Variants in M1AP observed in about 807,000 individuals in gnomAD.
M1AP encodes the protein meiosis 1 associated protein.
In M1AP, 39 loss-of-function variants were observed where a neutral mutation model predicts 51.2. The observed-to-expected ratio is 0.76, with a 90% CI of 0.59 to 1.00. M1AP has a LOEUF of 1.00. Among genes scored for constraint, M1AP ranks in the 50% least tolerant of loss-of-function variants. The pLI is 0.00. For missense variants in M1AP, 545 were observed against 641.2 expected, an observed-to-expected ratio of 0.85 and a Z score of 1.62; for synonymous variants, 251 against 249.2, an observed-to-expected ratio of 1.01 and a Z score of -0.07.
chr2:74,591,797 T>C (rs1479448909), intron 4 of M1AP, among the ~76,000 whole-genome samples: 1 of 152,090 alleles, frequency 6.6e-6, no homozygotes, highest in Non-Finnish European at 1.5e-5. Flanking sequence ...TACTCTTTTA[T>C]TTTTTTGAGA....
intron 4 of M1AP, among the ~76,000 whole-genome samples, chr2:74,595,254 A>G (rs11678348): frequency 0.19 from 28,300 of 152,092 alleles, 4,060 homozygotes; most frequent in East Asian, 0.82. Context: ...AGCTCAAGCA[A>G]TCCTCCCCAC....
Position 74,562,459 on chromosome 2 carries a change from T to G in M1AP, c.1075-36A>C. 2.5e-6 allele frequency: 4 copies of G among 1,611,332 alleles called. No homozygotes were observed. The South Asian group carries it at 3.3e-5, about 13-fold the overall frequency. ...GACATACAGAAATACTGGTTCATCT[T>G]TAGTCTATGGCATGGTTTGAGGATC... On this transcript the variant is annotated intron_variant, in intron 7 of 10. Transcript: ENST00000421985.
At chr2:74,637,694 C>T (rs532605302) in intron 2 of M1AP, among the ~76,000 whole-genome samples, 1 of 152,300 alleles carries the variant, frequency 6.6e-6, no homozygotes, top group Admixed American at 6.5e-5. Flanking sequence ...TGTGAGTCCT[C>T]TATCCAATGT....
intron 2 of M1AP, among the ~76,000 whole-genome samples, chr2:74,637,249 T>A (rs1200639274): frequency 6.6e-6 from 1 of 152,234 alleles, no homozygotes; most frequent in Non-Finnish European, 1.5e-5. Context: ...TCTAGTGTAT[T>A]TTCCATGCCA....
At chr2:74,590,496 T>C (rs1679978551) in intron 4 of M1AP, among the ~76,000 whole-genome samples, 1 of 152,198 alleles carries the variant, frequency 6.6e-6, no homozygotes, top group African/African-American at 2.4e-5. Context: ...AGCTCTAAGA[T>C]AGGTCCCAAA....
At position 74,558,970 on chromosome 2, in the gene M1AP, G is replaced by A. The variant is rs550587325; in HGVS notation, c.1435-96C>T. On this transcript the variant is annotated intron_variant, in intron 10 of 10. Transcript: ENST00000421985. ...GCTTCCTGTCCTAACTCTTTCCTAA[G>A]TTCATTCCCTGGAGTGACAGCCTCA... is the stretch of plus-strand genomic sequence containing the variant. The A allele has an allele frequency of 1.2e-5, 15 of 1,235,700 alleles. No individual in the cohort carries two copies. The African/African-American group carries it at 2.3e-4, about 19-fold the overall frequency. The allele number at this position is 1,235,700 out of a possible 1,614,324, so 76.5% of individuals were successfully genotyped here. A position where few individuals can be genotyped will look rare whatever the true frequency, so the allele number is the denominator to read the frequency against.
intron 3 of M1AP, among the ~76,000 whole-genome samples, chr2:74,608,442 A>AATCCATTGT (rs1177454938): frequency 6.6e-6 from 1 of 152,216 alleles, no homozygotes; most frequent in Non-Finnish European, 1.5e-5. Context: ...GCTGAATAAT[A>AATCCATTGT]ATCCATTGTC....
At chr2:74,578,587 C>T (rs1436378362) in intron 5 of M1AP, among the ~76,000 whole-genome samples, 1 of 152,164 alleles carries the variant, frequency 6.6e-6, no homozygotes, top group Non-Finnish European at 1.5e-5. Flanking sequence ...AATCTAGAAC[C>T]AGGTGTGCTT....
At chr2:74,573,449 T>G (rs561219857) in intron 7 of M1AP, among the ~76,000 whole-genome samples, 179 of 152,034 alleles carry the variant, frequency 1.2e-3, no homozygotes, top group African/African-American at 4.1e-3. Flanking sequence ...GCCTCCCGGG[T>G]TCAAGTGATT....
intron 4 of M1AP, among the ~76,000 whole-genome samples, chr2:74,594,275 A>G (rs766233889): frequency 6.6e-6 from 1 of 152,234 alleles, no homozygotes; most frequent in Non-Finnish European, 1.5e-5. Flanking sequence ...TCAGTCTCAA[A>G]GGAAAATATA....
At chr2:74,584,970 G>A (rs1679623144) in intron 4 of M1AP, among the ~76,000 whole-genome samples, 1 of 151,810 alleles carries the variant, frequency 6.6e-6, no homozygotes, top group Non-Finnish European at 1.5e-5. Context: ...GGCCTCCCAA[G>A]TAGCTGGGAG....
chr2:74,598,527 A>G (rs1244587408), intron 4 of M1AP, among the ~76,000 whole-genome samples: 1 of 151,942 alleles, frequency 6.6e-6, no homozygotes, highest in Non-Finnish European at 1.5e-5. Flanking sequence ...GAAAAGATGC[A>G]TTCACATTGT....
intron 1 of M1AP, among the ~76,000 whole-genome samples, chr2:74,641,019 A>T (rs1203270442): frequency 3.3e-5 from 5 of 152,222 alleles, no homozygotes; most frequent in Non-Finnish European, 7.3e-5. Flanking sequence ...TGTTGATATT[A>T]TTCATCAATG....
At position 74,640,463 on chromosome 2, in the gene M1AP, ATTTTT is replaced by A. The variant is rs757761825; in HGVS notation, c.-52-141_-52-137del. 40 of 518,716 alleles carry A rather than the reference ATTTTT, an allele frequency of 7.7e-5. 1 individual carries two copies. Among genetic ancestry groups the A allele is most frequent in the South Asian group, 5.7e-4 (24 of 41,922 alleles). The allele number at this position is 518,716 out of a possible 1,614,324, so 32.1% of individuals were successfully genotyped here. A position where few individuals can be genotyped will look rare whatever the true frequency, so the allele number is the denominator to read the frequency against. On this transcript the variant is annotated intron_variant, in intron 1 of 10. Coordinates refer to ENST00000421985, the MANE Select transcript of M1AP (RefSeq NM_001321739.2). ...TACTAAAGCTTGTCCAGGCCATCCT[ATTTTT>A]TTTTTTTTTTTGAGACAGAGTCTCG...
At position 74,558,489 on chromosome 2, in the gene M1AP, A is replaced by G. The variant is rs956813380; in HGVS notation, c.*227T>C. ...GTGTAAACAGTAGCAAATGATTCTA[A>G]AGAAAATGAAAGTCCTTGCTGGAGA... is the stretch of plus-strand genomic sequence containing the variant. On this transcript the variant is annotated 3_prime_UTR_variant, in exon 11 of 11. Transcript: ENST00000421985. 8 of 517,216 alleles carry G rather than the reference A, an allele frequency of 1.5e-5. No individual in the cohort carries two copies. The highest frequency in any genetic ancestry group is 2.7e-5 in the Non-Finnish European group (8 of 298,290). 32.0% of individuals were successfully genotyped at this position (517,216 alleles called of 1,614,324 possible).
chr2:74,560,996 A>G (rs1042834079), intron 8 of M1AP, among the ~76,000 whole-genome samples: 5 of 151,924 alleles, frequency 3.3e-5, no homozygotes, highest in African/African-American at 1.2e-4. Flanking sequence ...CTAGCAGAGC[A>G]AATATAGAGA....
intron 7 of M1AP, among the ~76,000 whole-genome samples, chr2:74,563,606 T>TAAAAA (rs750014043): frequency 9.2e-5 from 5 of 54,618 alleles, no homozygotes; most frequent in Admixed American, 2.1e-4. Context: ...TCTCAAAACA[T>TAAAAA]AAAAAAAAAA....
At chr2:74,559,348 C>T (rs535465143) in intron 10 of M1AP, among the ~76,000 whole-genome samples, 18 of 152,064 alleles carry the variant, frequency 1.2e-4, no homozygotes, top group South Asian at 2.1e-4. Flanking sequence ...TTTGTAGAGA[C>T]GAGGTTTTGC....
intron 4 of M1AP, among the ~76,000 whole-genome samples, chr2:74,595,796 T>A (rs1323798253): frequency 2.0e-5 from 3 of 152,214 alleles, no homozygotes; most frequent in Admixed American, 6.5e-5. Flanking sequence ...TAATTCTGAG[T>A]AGGCTGTAAA....
Sources: allele counts gnomAD v4.1 joint callset (sites outside exome capture counted in the v4.1 genomes callset), GRCh38; gene constraint gnomAD v4.1.1; transcripts MANE v1.5; gene names NCBI Gene and HGNC (gene_info 2026-07-23, HGNC 2026-07-21).